EDA: variants seen among roughly 807,000 people sequenced by gnomAD.
EDA encodes ectodysplasin A, also known as ectodysplasin-A.
EDA carries 2 observed loss-of-function variants against 23.6 expected under a neutral mutation model. The observed-to-expected ratio is 0.08, with a 90% confidence interval of 0.03 to 0.27. The LOEUF (loss-of-function observed/expected upper bound fraction) is 0.27. Among genes scored for constraint, EDA ranks in the 10% least tolerant of loss-of-function variants. EDA has a pLI of 1.00. For missense variants in EDA, 229 were observed against 324.2 expected (o/e 0.71, Z 2.26); for synonymous variants, 131 against 132.0 (o/e 0.99, Z 0.05).
chrX:69,960,856 C>CAA (rs35976010), intron 2 of EDA, among the ~76,000 whole-genome samples: 3 of 92,082 alleles, frequency 3.3e-5, no homozygotes, highest in Admixed American at 1.2e-4. Flanking sequence ...ACCAAAAATA[C>CAA]AAAAAAAAAA....
chrX:69,711,102 C>T (rs1476903344), intron 1 of EDA, among the ~76,000 whole-genome samples: 3 of 111,200 alleles, frequency 2.7e-5, no homozygotes, highest in African/African-American at 9.8e-5. Flanking sequence ...CAGTTTTTGC[C>T]CATTCAGTAT....
intron 2 of EDA, among the ~76,000 whole-genome samples, chrX:69,967,409 T>C (rs2019189779): frequency 9.0e-6 from 1 of 111,508 alleles, no homozygotes; most frequent in Non-Finnish European, 1.9e-5. Flanking sequence ...GTCACTGATA[T>C]AATGATCGGG....
At chrX:69,947,746 G>T (rs1003767313) in intron 1 of EDA, among the ~76,000 whole-genome samples, 25 of 112,059 alleles carry the variant, frequency 2.2e-4, no homozygotes, top group Admixed American at 1.6e-3. Flanking sequence ...TCACCAAGTA[G>T]ATGTGATATC....
chrX:69,678,760 G>T lies in EDA; in HGVS notation c.396+62056G>T, dbSNP rs181220471. On this transcript the variant is annotated intron_variant, in intron 1 of 7. Transcript: ENST00000374552. ...GGTTTTCTACATATACAATCATGTC[G>T]TCTGCAAACAGGGACAATTTGACTT... Among the ~76,000 whole-genome samples, 470 of 96,810 alleles carry T rather than the reference G, an allele frequency of 4.9e-3. 6 individuals are homozygous for T. The highest frequency in any genetic ancestry group is 0.018 in the African/African-American group (452 of 25,223). 84.1% of individuals were successfully genotyped at this position (96,810 alleles called of 115,157 possible).
Position 69,622,521 on chromosome X carries a change from C to T in EDA, c.396+5817C>T, listed in dbSNP as rs754467675. Among the ~76,000 whole-genome samples, 135 of 111,678 alleles carry T rather than the reference C, an allele frequency of 1.2e-3. 1 individual carries two copies. The highest frequency in any genetic ancestry group is 4.1e-3 in the African/African-American group (127 of 30,806). ...CATTTGCATATCTTCTGTGAAATGCCTATACAAGTTTTTTGCCCATTTTTC... is the reference window on the plus strand; with the variant it reads ...CATTTGCATATCTTCTGTGAAATGCTTATACAAGTTTTTTGCCCATTTTTC... On this transcript the variant is annotated intron_variant, in intron 1 of 7. Transcript: ENST00000374552.
chrX:69,996,585 TG>T (rs1478165053), intron 2 of EDA, among the ~76,000 whole-genome samples: 1 of 112,282 alleles, frequency 8.9e-6, no homozygotes, highest in Non-Finnish European at 1.9e-5. Context: ...TATTGATTGA[TG>T]GCAGTAAATA....
intron 7 of EDA, among the ~76,000 whole-genome samples, chrX:70,034,661 G>C (rs1569406824): frequency 8.9e-6 from 1 of 111,958 alleles, no homozygotes; most frequent in African/African-American, 3.3e-5. Context: ...CATGACATTA[G>C]GCCACTGAGC....
At chrX:69,991,973 T>C (rs2019594273) in intron 2 of EDA, among the ~76,000 whole-genome samples, 1 of 112,342 alleles carries the variant, frequency 8.9e-6, no homozygotes, top group Non-Finnish European at 1.9e-5. Context: ...GTTAGCCTGC[T>C]CCGGTTCCAC....
At chrX:69,706,211 T>A (rs967872092) in intron 1 of EDA, among the ~76,000 whole-genome samples, 1 of 111,851 alleles carries the variant, frequency 8.9e-6, no homozygotes, top group Non-Finnish European at 1.9e-5. Flanking sequence ...CATTAATGCA[T>A]AGGGCAGACA....
intron 1 of EDA, among the ~76,000 whole-genome samples, chrX:69,891,165 A>C (rs1409350455): frequency 2.7e-5 from 3 of 112,452 alleles, no homozygotes; most frequent in African/African-American, 9.7e-5. Context: ...AGAGGAATAC[A>C]AATCAAAACC....
intron 2 of EDA, among the ~76,000 whole-genome samples, chrX:69,970,950 G>A (rs749424269): frequency 1.3e-4 from 14 of 111,377 alleles, no homozygotes; most frequent in East Asian, 2.8e-4. Context: ...TATAAATGCC[G>A]TCTTAAAGAT....
chrX:69,641,302 A>G (rs1051881722), intron 1 of EDA, among the ~76,000 whole-genome samples: 8 of 112,185 alleles, frequency 7.1e-5, no homozygotes, highest in African/African-American at 2.6e-4. Context: ...ATAAAACGCA[A>G]TAGCAATTAT....
chrX:69,773,626 T>C (rs1005586604), intron 1 of EDA, among the ~76,000 whole-genome samples: 16 of 111,623 alleles, frequency 1.4e-4, no homozygotes, highest in African/African-American at 4.2e-4. Flanking sequence ...TCCTAATGGG[T>C]ATGAAGTGGT....
chrX:69,860,712 G>A (rs182652631), intron 1 of EDA: 67 of 493,376 alleles, frequency 1.4e-4, no homozygotes, highest in African/African-American at 5.9e-4. Flanking sequence ...TCTTGGGGTC[G>A]ACCTTCTCAA....
chrX:69,953,978 G>A (rs1379426987), intron 1 of EDA, among the ~76,000 whole-genome samples: 4 of 111,402 alleles, frequency 3.6e-5, no homozygotes, highest in African/African-American at 6.5e-5. Flanking sequence ...TTACAAAAGC[G>A]TGTATATTTA....
intron 1 of EDA, among the ~76,000 whole-genome samples, chrX:69,770,426 A>T (rs1284089970): frequency 8.9e-6 from 1 of 111,954 alleles, no homozygotes; most frequent in African/African-American, 3.2e-5. Flanking sequence ...TATTTTAATC[A>T]TACAGATAGG....
At chrX:69,797,501 T>A (rs774435455) in intron 1 of EDA, among the ~76,000 whole-genome samples, 1 of 110,623 alleles carries the variant, frequency 9.0e-6, no homozygotes. Context: ...CCCAGCAAAA[T>A]TGCTGTTCAT....
chrX:69,661,056 T>C (rs1011681787), intron 1 of EDA, among the ~76,000 whole-genome samples: 2 of 110,856 alleles, frequency 1.8e-5, no homozygotes, highest in African/African-American at 6.6e-5. Flanking sequence ...TGTGAGATGG[T>C]ATCTCATGGT....
intron 1 of EDA, among the ~76,000 whole-genome samples, chrX:69,624,911 G>A (rs1347823465): frequency 9.1e-6 from 1 of 109,425 alleles, no homozygotes; most frequent in Non-Finnish European, 1.9e-5. Flanking sequence ...TTATAGTATT[G>A]CATTACTTTG....
Sources: allele counts gnomAD v4.1 joint callset (sites outside exome capture counted in the v4.1 genomes callset), GRCh38; gene constraint gnomAD v4.1.1; transcripts MANE v1.5; gene names NCBI Gene and HGNC (gene_info 2026-07-23, HGNC 2026-07-21).